OXR1: variants seen among roughly 807,000 people sequenced by gnomAD.
OXR1 encodes the protein oxidation resistance protein 1.
A neutral mutation model predicts 104.6 loss-of-function variants in OXR1; 41 were observed. The ratio of observed to expected loss-of-function variants is 0.39; its 90% confidence interval spans 0.31 to 0.51. The LOEUF (loss-of-function observed/expected upper bound fraction) is 0.51, where lower values mean the gene tolerates loss of function less well. OXR1 is among the 20% of genes least tolerant of loss of function. The pLI is 0.77. For missense variants in OXR1, 955 were observed against 1,031.9 expected (o/e 0.93, Z 1.02); for synonymous variants, 348 against 348.4 (o/e 1.00, Z 0.01).
chr8:106,284,748 T>A (rs185930846), intron 1 of OXR1, among the ~76,000 whole-genome samples: 3 of 152,262 alleles, frequency 2.0e-5, no homozygotes, highest in East Asian at 3.9e-4. Context: ...TCATTTGCCT[T>A]TGAAGAATTG....
chr8:106,542,609 A>AT (rs950107200), intron 3 of OXR1, among the ~76,000 whole-genome samples: 16 of 151,282 alleles, frequency 1.1e-4, no homozygotes, highest in Admixed American at 2.6e-4. Context: ...TTAGGCACCT[A>AT]TTTTTTTTTC....
chr8:106,387,044 G>T (rs1321667578), intron 2 of OXR1, among the ~76,000 whole-genome samples: 1 of 152,148 alleles, frequency 6.6e-6, no homozygotes, highest in Non-Finnish European at 1.5e-5. Context: ...GAAACAGAAA[G>T]GACAAGAGTT....
chr8:106,521,162 C>G (rs879935171), intron 3 of OXR1, among the ~76,000 whole-genome samples: 2 of 152,092 alleles, frequency 1.3e-5, no homozygotes, highest in Non-Finnish European at 2.9e-5. Flanking sequence ...ATATTAGCAA[C>G]CGTATAATCA....
At chr8:106,347,457 G>T (rs959134808) in intron 1 of OXR1, among the ~76,000 whole-genome samples, 17 of 152,118 alleles carry the variant, frequency 1.1e-4, no homozygotes, top group South Asian at 2.1e-4. Context: ...AGATGCAGAT[G>T]CCTTCACTGT....
chr8:106,430,310 A>G (rs1819310196), intron 2 of OXR1, among the ~76,000 whole-genome samples: 1 of 152,172 alleles, frequency 6.6e-6, no homozygotes, highest in Non-Finnish European at 1.5e-5. Context: ...GATGGAATGA[A>G]TGTTATGTTT....
chr8:106,651,219 T>C (rs1824543017), intron 3 of OXR1, among the ~76,000 whole-genome samples: 2 of 152,346 alleles, frequency 1.3e-5, no homozygotes, highest in South Asian at 4.1e-4. Context: ...CTTTTTGATC[T>C]TCACCATCCT....
intron 3 of OXR1, among the ~76,000 whole-genome samples, chr8:106,535,437 C>T (rs75022075): frequency 0.049 from 7,484 of 152,202 alleles, 206 homozygotes; most frequent in Middle Eastern, 0.068. Flanking sequence ...AAAGAGTCTT[C>T]TCTGGGAAAG....
At position 106,613,363 on chromosome 8, in the gene OXR1, G is replaced by T. The variant is rs372421011; in HGVS notation, c.221-65847G>T. On this transcript the variant is annotated intron_variant, in intron 3 of 16. Coordinates refer to ENST00000517566, the MANE Select transcript of OXR1 (RefSeq NM_001198533.2). Reference sequence around the variant, plus strand: ...TGCAACCTAAACTTATGGGAATTTTGTGATGTATTTAATTTCCACAAAACC... The same window carrying T: ...TGCAACCTAAACTTATGGGAATTTTTTGATGTATTTAATTTCCACAAAACC... Among the ~76,000 whole-genome samples the T allele has an allele frequency of 3.3e-5, 5 of 152,312 alleles. No homozygotes were observed. The East Asian group carries it at 9.6e-4, about 29-fold the overall frequency.
chr8:106,284,192 A>G (rs1812400923), intron 1 of OXR1, among the ~76,000 whole-genome samples: 1 of 152,004 alleles, frequency 6.6e-6, no homozygotes, highest in African/African-American at 2.4e-5. Context: ...TCTGAAGGCC[A>G]AGCAGAGGCG....
At chr8:106,684,661 T>C (rs1347215811) in intron 6 of OXR1, among the ~76,000 whole-genome samples, 14 of 152,172 alleles carry the variant, frequency 9.2e-5, no homozygotes, top group Non-Finnish European at 4.4e-5. Flanking sequence ...CATGACATTA[T>C]CACAGTAGAG....
intron 3 of OXR1, among the ~76,000 whole-genome samples, chr8:106,525,609 G>A (rs1343925498): frequency 2.6e-5 from 4 of 152,156 alleles, no homozygotes; most frequent in African/African-American, 9.7e-5. Context: ...CAACTTCGTA[G>A]AAAAGCCAGA....
chr8:106,529,516 AAT>A (rs1275843809), intron 3 of OXR1, among the ~76,000 whole-genome samples: 5 of 152,186 alleles, frequency 3.3e-5, no homozygotes, highest in Non-Finnish European at 1.5e-5. Flanking sequence ...AATGAGAAAA[AAT>A]ATGTTTGCTT....
chr8:106,570,514 T>C (rs939156424), intron 3 of OXR1, among the ~76,000 whole-genome samples: 9 of 152,164 alleles, frequency 5.9e-5, no homozygotes, highest in African/African-American at 2.2e-4. Flanking sequence ...CTATCTCAAA[T>C]TGATATAAAT....
At chr8:106,472,460 C>A (rs879539198) in intron 2 of OXR1, among the ~76,000 whole-genome samples, 1 of 151,598 alleles carries the variant, frequency 6.6e-6, no homozygotes, top group Non-Finnish European at 1.5e-5. Flanking sequence ...TGACATAATC[C>A]TTTACTTCAA....
chr8:106,741,577 T>C (rs1834919540), intron 14 of OXR1, among the ~76,000 whole-genome samples: 1 of 152,154 alleles, frequency 6.6e-6, no homozygotes, highest in Admixed American at 6.5e-5. Flanking sequence ...AAAGATAGAA[T>C]GTCAGGATAG....
chr8:106,588,349 T>C (rs868311142), intron 3 of OXR1, among the ~76,000 whole-genome samples: 6 of 152,016 alleles, frequency 3.9e-5, no homozygotes, highest in South Asian at 2.1e-4. Context: ...CTATTTTGAG[T>C]TATCTTTGAT....
chr8:106,346,801 A>G (rs947499096), intron 1 of OXR1, among the ~76,000 whole-genome samples: 1 of 152,116 alleles, frequency 6.6e-6, no homozygotes, highest in Non-Finnish European at 1.5e-5. Flanking sequence ...GCACTTTGGG[A>G]GGCCAAGGCG....
In OXR1 at chr8:106,710,647, A is replaced by G. The variant is rs372619183; in HGVS notation, c.1650A>G (p.Gln550=). 15 of 1,589,090 alleles carry G rather than the reference A, an allele frequency of 9.4e-6. No individual in the cohort carries two copies. In the African/African-American group the frequency reaches 1.6e-4, roughly 17 times the overall value. ...IESSALLKEK[Q]RHRLHKFLCL... ...GTTCTGCACTTTTAAAAGAAAAGCA[A>G]AGGCATCGATTACATAAGTTCTTGT... Residue 550 remains glutamine (Q), a synonymous_variant, in exon 10 of 17, where the codon CAA becomes CAG. Coordinates refer to ENST00000517566, the MANE Select transcript of OXR1 (RefSeq NM_001198533.2).
intron 4 of OXR1, among the ~76,000 whole-genome samples, chr8:106,680,257 CGT>C (rs1185714809): frequency 3.3e-5 from 5 of 151,926 alleles, no homozygotes; most frequent in Admixed American, 2.0e-4. Flanking sequence ...ACTCAAATTG[CGT>C]GTGTTTGTAC....
Sources: gnomAD v4.1 joint callset for allele counts (sites outside exome capture counted in the v4.1 genomes callset) on GRCh38, gnomAD v4.1.1 for gene constraint, MANE v1.5 for transcripts, NCBI Gene and HGNC (gene_info 2026-07-23, HGNC 2026-07-21) for gene names.